Variants in CATSPERT observed in about 807,000 individuals in gnomAD.
CATSPERT encodes catsper channel auxiliary subunit tau, also known as cation channel sperm-associated targeting subunit tau.
chr2:201,533,254 C>T, the CATSPERT span, among the ~76,000 whole-genome samples: 82 of 152,322 alleles, frequency 5.4e-4, no homozygotes, highest in African/African-American at 1.7e-3. Context: ...TTTCAGCCTT[C>T]ACTGAAAGCA....
the CATSPERT span, chr2:201,534,862 A>G: frequency 1.4e-6 from 1 of 726,762 alleles, no homozygotes; most frequent in Admixed American, 6.3e-5. Context: ...GATATTCTAC[A>G]TCTTGCAGAT....
chr2:201,507,088 CTG>C, the CATSPERT span, among the ~76,000 whole-genome samples: 1 of 152,108 alleles, frequency 6.6e-6, no homozygotes, highest in Non-Finnish European at 1.5e-5. Flanking sequence ...GGAAACAAAA[CTG>C]TGCTTAATGG....
the CATSPERT span, among the ~76,000 whole-genome samples, chr2:201,608,554 T>C: frequency 1.1e-4 from 17 of 152,282 alleles, no homozygotes; most frequent in Admixed American, 5.9e-4. Context: ...CAGTGGCTTA[T>C]GCCTATAATC....
chr2:201,574,242 G>A, the CATSPERT span: 1 of 1,605,400 alleles, frequency 6.2e-7, no homozygotes, highest in East Asian at 2.3e-5. Context: ...AGTTTCCATA[G>A]GAGAACATAA....
chr2:201,606,812 T>A, the CATSPERT span, among the ~76,000 whole-genome samples: 6 of 147,794 alleles, frequency 4.1e-5, no homozygotes, highest in African/African-American at 7.6e-5. Context: ...GGCAGGAGAA[T>A]CCCTTCAACC....
At chr2:201,603,658 A>T in the CATSPERT span, among the ~76,000 whole-genome samples, 2 of 152,222 alleles carry the variant, frequency 1.3e-5, no homozygotes, top group African/African-American at 4.8e-5. Flanking sequence ...AAACTCTTTT[A>T]TCCAGTGTCC....
the CATSPERT span, among the ~76,000 whole-genome samples, chr2:201,589,072 A>C: frequency 6.6e-6 from 1 of 152,184 alleles, no homozygotes; most frequent in South Asian, 2.1e-4. Flanking sequence ...CTCTACAAGG[A>C]GAACTACAAA....
the CATSPERT span, chr2:201,491,726 T>A: frequency 6.5e-7 from 1 of 1,537,076 alleles, no homozygotes; most frequent in Non-Finnish European, 8.7e-7. Context: ...TCCTGAACAG[T>A]CCATTTATAG....
chr2:201,585,034 A>T, the CATSPERT span, among the ~76,000 whole-genome samples: 1 of 152,194 alleles, frequency 6.6e-6, no homozygotes, highest in African/African-American at 2.4e-5. Flanking sequence ...AGAGATAGTG[A>T]AATACTTCAG....
the CATSPERT span, among the ~76,000 whole-genome samples, chr2:201,576,897 C>T: frequency 5.3e-5 from 8 of 152,282 alleles, no homozygotes; most frequent in Non-Finnish European, 8.8e-5. Flanking sequence ...GAGTACTTCT[C>T]GCATCTCTCA....
At chr2:201,489,303 G>A in the CATSPERT span, among the ~76,000 whole-genome samples, 1 of 152,134 alleles carries the variant, frequency 6.6e-6, no homozygotes, top group Non-Finnish European at 1.5e-5. Context: ...TACTTTGCTT[G>A]AAAAGTTGTA....
chr2:201,494,500 G>T, the CATSPERT span: 1 of 1,536,810 alleles, frequency 6.5e-7, no homozygotes, highest in African/African-American at 1.4e-5. Context: ...TGTATTGATA[G>T]TAGGATCAGG....
chr2:201,550,642 T>G, the CATSPERT span: 1 of 152,212 alleles, frequency 6.6e-6, no homozygotes, highest in Non-Finnish European at 1.5e-5. Context: ...TCGACTAATC[T>G]CTATACAATG....
the CATSPERT span, among the ~76,000 whole-genome samples, chr2:201,527,670 A>T: frequency 6.6e-6 from 1 of 152,170 alleles, no homozygotes. Context: ...GGCACTCCCC[A>T]CTCAATAAAT....
the CATSPERT span, among the ~76,000 whole-genome samples, chr2:201,561,457 A>T: frequency 6.6e-6 from 1 of 152,238 alleles, no homozygotes; most frequent in Non-Finnish European, 1.5e-5. Flanking sequence ...AGAGAAACTC[A>T]TAAGTAGATA....
At chr2:201,519,875 C>T in the CATSPERT span, among the ~76,000 whole-genome samples, 11 of 152,122 alleles carry the variant, frequency 7.2e-5, no homozygotes, top group Non-Finnish European at 1.3e-4. Context: ...TTTAAAAATA[C>T]ACACTGGATG....
the CATSPERT span, among the ~76,000 whole-genome samples, chr2:201,608,597 A>T: frequency 6.6e-6 from 1 of 152,162 alleles, no homozygotes; most frequent in East Asian, 1.9e-4. Context: ...TGGGCAAATC[A>T]TTTGAGCCCA....
chr2:201,494,677 T>A, the CATSPERT span: 1 of 1,535,224 alleles, frequency 6.5e-7, no homozygotes, highest in Non-Finnish European at 8.7e-7. Flanking sequence ...TTTGTATATA[T>A]CTTGATCTTT....
chr2:201,547,040 T>C, the CATSPERT span, among the ~76,000 whole-genome samples: 1 of 152,120 alleles, frequency 6.6e-6, no homozygotes, highest in Non-Finnish European at 1.5e-5. Flanking sequence ...ACACATTGTA[T>C]GATTCCATTT....
Sources: gnomAD v4.1 joint callset for allele counts (sites outside exome capture counted in the v4.1 genomes callset) on GRCh38, gnomAD v4.1.1 for gene constraint, MANE v1.5 for transcripts, NCBI Gene and HGNC (gene_info 2026-07-23, HGNC 2026-07-21) for gene names.